ARHGEF38: variants seen among roughly 807,000 people sequenced by gnomAD.
ARHGEF38 encodes the protein Rho guanine nucleotide exchange factor (GEF) 38.
ARHGEF38 carries 79 observed loss-of-function variants against 79.9 expected under a neutral mutation model. That is an observed-to-expected ratio of 0.99 (90% CI 0.82 to 1.19). The LOEUF is 1.19. Among genes scored for constraint, ARHGEF38 ranks in the 50% most tolerant of loss-of-function variants. ARHGEF38 has a pLI of 0.00. For synonymous variants in ARHGEF38, 366 were observed against 328.3 expected, an observed-to-expected ratio of 1.11 and a Z score of -1.24; for missense variants, 962 against 907.2, an observed-to-expected ratio of 1.06 and a Z score of -0.78.
At chr4:105,588,511 C>T (rs1374136322) in intron 1 of ARHGEF38, among the ~76,000 whole-genome samples, 1 of 152,200 alleles carries the variant, frequency 6.6e-6, no homozygotes, top group African/African-American at 2.4e-5. Flanking sequence ...CTTGAAGATA[C>T]TTAGCTTTCT....
intron 1 of ARHGEF38, chr4:105,561,479 A>AGAATAGAATGGAATGGAATG: frequency 1.9e-5 from 1 of 53,384 alleles, no homozygotes; most frequent in African/African-American, 7.7e-5. Flanking sequence ...AGAATAGAAT[A>AGAATAGAATGGAATGGAATG]GAATAGAATA....
rs1356914561 is a variant in ARHGEF38, at chr4:105,655,665, C to A, written c.1176C>A (p.Asp392Glu). 1.3e-6 allele frequency: 2 copies of A among 1,535,574 alleles called. No homozygotes were observed. Among genetic ancestry groups the A allele is most frequent in the East Asian group, 2.4e-5 (1 of 40,892 alleles). The change falls in exon 9 of 14, where the codon GAC (aspartate) becomes GAA (glutamate). Residue 392 changes from aspartate (D) to glutamate (E), a missense_variant. Transcript: ENST00000420470. ...MDLQEISYNK[D>E]DEMDYSETLS... ...TTCAGGAGATTTCATACAACAAAGA[C>A]GATGAGATGGACTATTCTGAGACCC...
intron 1 of ARHGEF38, among the ~76,000 whole-genome samples, chr4:105,558,997 G>A (rs1266013300): frequency 8.6e-5 from 13 of 150,492 alleles, no homozygotes; most frequent in Admixed American, 2.6e-4. Flanking sequence ...AATGATGGGA[G>A]AGAGAAAAGC....
At chr4:105,600,768 T>C (rs1727787804) in intron 2 of ARHGEF38, among the ~76,000 whole-genome samples, 1 of 152,194 alleles carries the variant, frequency 6.6e-6, no homozygotes, top group Non-Finnish European at 1.5e-5. Context: ...CTCCCTTGTA[T>C]TCTATCTCAT....
intron 2 of ARHGEF38, 21 bp downstream of exon 2, chr4:105,589,456 T>C: frequency 6.3e-7 from 1 of 1,586,750 alleles, no homozygotes. Context: ...ATTTGAGATT[T>C]TTTTTTCTCT....
At chr4:105,590,085 AGGAAGGAAG>A (rs1727257277) in intron 2 of ARHGEF38, among the ~76,000 whole-genome samples, 1 of 106,168 alleles carries the variant, frequency 9.4e-6, no homozygotes, top group South Asian at 2.7e-4. Context: ...GAAGGAAGGA[AGGAAGGAAG>A]GAAGGAAGGA....
At chr4:105,605,896 C>T (rs972251891) in intron 2 of ARHGEF38, among the ~76,000 whole-genome samples, 1 of 152,162 alleles carries the variant, frequency 6.6e-6, no homozygotes, top group African/African-American at 2.4e-5. Context: ...TTTATCCTCT[C>T]AGAATGTCCC....
intron 13 of ARHGEF38, among the ~76,000 whole-genome samples, chr4:105,674,834 G>A (rs979094933): frequency 2.6e-5 from 4 of 151,658 alleles, no homozygotes; most frequent in Admixed American, 1.3e-4. Flanking sequence ...TTTATATTTC[G>A]CTTGAGAGAA....
chr4:105,666,909 A>G (rs1355371917), intron 11 of ARHGEF38, among the ~76,000 whole-genome samples: 4 of 152,190 alleles, frequency 2.6e-5, no homozygotes, highest in African/African-American at 7.2e-5. Flanking sequence ...TTTCTTCTCT[A>G]CAACACTGCC....
intron 1 of ARHGEF38, among the ~76,000 whole-genome samples, chr4:105,557,653 T>C (rs1725315211): frequency 6.6e-6 from 1 of 151,140 alleles, no homozygotes; most frequent in South Asian, 2.1e-4. Context: ...CTCAGCCATG[T>C]CAGGATACAA....
intron 13 of ARHGEF38, among the ~76,000 whole-genome samples, chr4:105,677,226 G>A (rs751071214): frequency 2.0e-4 from 31 of 152,286 alleles, no homozygotes; most frequent in Admixed American, 1.4e-3. Context: ...GCCTCCCAAA[G>A]TGCTGGGATT....
intron 2 of ARHGEF38, among the ~76,000 whole-genome samples, chr4:105,592,394 G>C (rs1385609111): frequency 1.3e-5 from 2 of 151,730 alleles, no homozygotes; most frequent in East Asian, 3.9e-4. Context: ...TACTCCCACT[G>C]GTACGATTTC....
rs533269717 is a variant in ARHGEF38, at chr4:105,674,863, C to G, written c.2149-2889C>G. Among the ~76,000 whole-genome samples, 16 of 152,024 alleles carry G rather than the reference C, an allele frequency of 1.1e-4. No homozygotes were observed. In the South Asian group the frequency reaches 3.3e-3, roughly 32 times the overall value. Reference sequence around the variant, plus strand: ...GAGAGAATTGTGCTAAAGTAAAAAACTACCACTATTTAGAAATGTTCTATT... The same window carrying G: ...GAGAGAATTGTGCTAAAGTAAAAAAGTACCACTATTTAGAAATGTTCTATT... On this transcript the variant is annotated intron_variant, in intron 13 of 13. Transcript: ENST00000420470.
intron 3 of ARHGEF38, among the ~76,000 whole-genome samples, chr4:105,618,887 G>A (rs749079058): frequency 1.3e-5 from 2 of 152,160 alleles, no homozygotes; most frequent in South Asian, 2.1e-4. Flanking sequence ...TCTGACAATC[G>A]TATTTTGATA....
chr4:105,662,620 C>A (rs187366343), intron 10 of ARHGEF38, among the ~76,000 whole-genome samples: 51 of 152,210 alleles, frequency 3.4e-4, no homozygotes, highest in Non-Finnish European at 5.6e-4. Flanking sequence ...TTCCAAATGA[C>A]TTTCCAGTTG....
At chr4:105,631,226 C>A in intron 4 of ARHGEF38, 181 bp downstream of exon 4, 1 of 1,248,354 alleles carries the variant, frequency 8.0e-7, no homozygotes, top group Non-Finnish European at 1.0e-6. Context: ...GACTTTTTTT[C>A]CCCCTGCGAG....
intron 3 of ARHGEF38, among the ~76,000 whole-genome samples, chr4:105,630,123 A>T (rs1453669373): frequency 6.6e-6 from 1 of 152,044 alleles, no homozygotes; most frequent in Non-Finnish European, 1.5e-5. Flanking sequence ...TTTTACAATG[A>T]CTCTCTAAAA....
At chr4:105,618,351 A>G (rs1446787030) in intron 3 of ARHGEF38, among the ~76,000 whole-genome samples, 1 of 152,204 alleles carries the variant, frequency 6.6e-6, no homozygotes, top group African/African-American at 2.4e-5. Context: ...TAGAGAAAGA[A>G]GAACGGCTGG....
At chr4:105,611,457 G>A (rs1728289970) in intron 2 of ARHGEF38, among the ~76,000 whole-genome samples, 1 of 151,874 alleles carries the variant, frequency 6.6e-6, no homozygotes, top group Non-Finnish European at 1.5e-5. Flanking sequence ...TTTAGGATAA[G>A]TAATGTGCTA....
Sources: allele counts gnomAD v4.1 joint callset (sites outside exome capture counted in the v4.1 genomes callset), GRCh38; gene constraint gnomAD v4.1.1; transcripts MANE v1.5; gene names NCBI Gene and HGNC (gene_info 2026-07-23, HGNC 2026-07-21).